CTNNA3: variants seen among roughly 807,000 people sequenced by gnomAD.
The protein encoded by CTNNA3 is catenin alpha 3, also known as catenin alpha-3.
Under a neutral mutation model 95.7 loss-of-function variants are expected in CTNNA3, and 76 were observed. That is an observed-to-expected ratio of 0.79 (90% confidence interval 0.66 to 0.96). The LOEUF is 0.96. CTNNA3 is among the 40% of genes least tolerant of loss of function. CTNNA3 has a pLI of 0.00. For missense variants in CTNNA3, 1,191 were observed against 1,089.8 expected (o/e 1.09, Z -1.31); for synonymous variants, 431 against 374.4 (o/e 1.15, Z -1.74).
intron 13 of CTNNA3, among the ~76,000 whole-genome samples, chr10:66,141,187 A>T (rs2083597736): frequency 6.6e-6 from 1 of 151,746 alleles, no homozygotes; most frequent in Admixed American, 6.6e-5. Context: ...TGAGCCCAGG[A>T]GGTGGAAGTT....
chr10:67,601,945 T>C (rs1420355358), intron 3 of CTNNA3, among the ~76,000 whole-genome samples: 1 of 152,166 alleles, frequency 6.6e-6, no homozygotes, highest in Non-Finnish European at 1.5e-5. Context: ...TATTTATCAC[T>C]TCAAGTCTGT....
Position 67,532,355 on chromosome 10 carries a change from C to T in CTNNA3, c.459+7148G>A, listed in dbSNP as rs74142835. The stretch of plus-strand genomic sequence containing the variant: ...CTGCCTTTTAAATAGAGGGTGGCCT[C>T]GGAGAGTCTCAGCTGCCAACATGGT... On this transcript the variant is annotated intron_variant, in intron 4 of 17. Coordinates refer to ENST00000433211, the MANE Select transcript of CTNNA3 (RefSeq NM_013266.4). Among the ~76,000 whole-genome samples, 431 of 152,200 alleles carry T rather than the reference C, an allele frequency of 2.8e-3. 3 individuals are homozygous for T. Among genetic ancestry groups the T allele is most frequent in the African/African-American group, 9.8e-3 (407 of 41,526 alleles).
At chr10:66,609,674 GT>G (rs1197804942) in intron 10 of CTNNA3, among the ~76,000 whole-genome samples, 1 of 151,972 alleles carries the variant, frequency 6.6e-6, no homozygotes, top group East Asian at 1.9e-4. Context: ...TTTCAACCAT[GT>G]GGAAAACAGC....
At chr10:65,986,249 A>G (rs2078424812) in intron 16 of CTNNA3, among the ~76,000 whole-genome samples, 2 of 151,194 alleles carry the variant, frequency 1.3e-5, no homozygotes, top group South Asian at 4.1e-4. Context: ...CCCCATACAT[A>G]TATAGACTAC....
chr10:66,479,604 TC>T (rs1283024785), intron 11 of CTNNA3, among the ~76,000 whole-genome samples: 1 of 152,050 alleles, frequency 6.6e-6, no homozygotes, highest in African/African-American at 2.4e-5. Flanking sequence ...AATTATATTT[TC>T]TTTCAAAAGT....
intron 13 of CTNNA3, among the ~76,000 whole-genome samples, chr10:66,116,067 GAC>G (rs1255263672): frequency 6.6e-6 from 1 of 152,076 alleles, no homozygotes; most frequent in Non-Finnish European, 1.5e-5. Flanking sequence ...CAAATATTTG[GAC>G]AACACCTAAG....
chr10:67,545,032 G>C (rs1043077069), intron 3 of CTNNA3, among the ~76,000 whole-genome samples: 1 of 151,414 alleles, frequency 6.6e-6, no homozygotes, highest in Admixed American at 6.6e-5. Flanking sequence ...ACTTTGATTG[G>C]GCTGATTCTA....
chr10:67,741,928 A>G (rs1841342119), intron 1 of CTNNA3, among the ~76,000 whole-genome samples: 1 of 151,374 alleles, frequency 6.6e-6, no homozygotes, highest in Non-Finnish European at 1.5e-5. Context: ...CATAATGGTA[A>G]AGGGATCAAT....
intron 13 of CTNNA3, among the ~76,000 whole-genome samples, chr10:66,232,135 C>T (rs72797258): frequency 6.6e-6 from 1 of 152,088 alleles, no homozygotes; most frequent in Non-Finnish European, 1.5e-5. Flanking sequence ...CAGACACTGT[C>T]CAATGCCTTG....
At chr10:66,380,291 G>T (rs2092827192) in intron 11 of CTNNA3, among the ~76,000 whole-genome samples, 1 of 151,880 alleles carries the variant, frequency 6.6e-6, no homozygotes, top group African/African-American at 2.4e-5. Context: ...TTCTTTCAGA[G>T]TCACACTTCC....
intron 16 of CTNNA3, among the ~76,000 whole-genome samples, chr10:65,967,844 C>T (rs2078007872): frequency 1.3e-5 from 2 of 151,830 alleles, no homozygotes; most frequent in South Asian, 2.1e-4. Flanking sequence ...TTTATAAGAA[C>T]AAGGAAATGT....
At chr10:65,955,163 T>C (rs1005123047) in intron 17 of CTNNA3, among the ~76,000 whole-genome samples, 4 of 152,084 alleles carry the variant, frequency 2.6e-5, no homozygotes, top group Non-Finnish European at 5.9e-5. Context: ...TGAATGGGAG[T>C]TCACTCATGA....
At chr10:67,401,107 C>T (rs1311449821) in intron 5 of CTNNA3, among the ~76,000 whole-genome samples, 8 of 152,016 alleles carry the variant, frequency 5.3e-5, no homozygotes, top group Non-Finnish European at 1.2e-4. Context: ...AAAAGTGACC[C>T]TTTTCCCCTT....
intron 7 of CTNNA3, among the ~76,000 whole-genome samples, chr10:66,876,441 T>C (rs1844625383): frequency 6.6e-6 from 1 of 152,170 alleles, no homozygotes; most frequent in African/African-American, 2.4e-5. Context: ...AAGTCACTAT[T>C]TCATTTTAAA....
intron 3 of CTNNA3, among the ~76,000 whole-genome samples, chr10:67,576,258 A>G (rs1371908518): frequency 6.6e-6 from 1 of 152,186 alleles, no homozygotes; most frequent in Non-Finnish European, 1.5e-5. Flanking sequence ...ACAGTTGTTT[A>G]CTTTTACATT....
chr10:67,219,801 G>C lies in CTNNA3; in HGVS notation c.649C>G (p.Leu217Val), dbSNP rs374834298. 1 of 1,613,878 alleles carries C rather than the reference G, an allele frequency of 6.2e-7. No homozygotes were observed. Among genetic ancestry groups the C allele is most frequent in the African/African-American group, 1.3e-5 (1 of 74,910 alleles). Reference sequence around the variant, plus strand: ...CAAGCTGAACAAATTGAATGCAAGAGGGGAGAGTTCTCCTTCAGTGAAGCT... The same window carrying C: ...CAAGCTGAACAAATTGAATGCAAGACGGGAGAGTTCTCCTTCAGTGAAGCT... ...ARASLKENSP[L>V]LHSICSACLE... is the part of the protein sequence containing the mutation. The change falls in exon 6 of 18, where the codon CTC (leucine) becomes GTC (valine). Residue 217 changes from leucine to valine, a missense_variant. Transcript: ENST00000433211.
chr10:67,739,883 C>T (rs1358446199), intron 1 of CTNNA3, among the ~76,000 whole-genome samples: 1 of 152,136 alleles, frequency 6.6e-6, no homozygotes, highest in Non-Finnish European at 1.5e-5. Context: ...AAGCTGGAGG[C>T]ATCGTGCTAC....
At chr10:67,003,201 G>T (rs1851781584) in intron 7 of CTNNA3, among the ~76,000 whole-genome samples, 1 of 152,084 alleles carries the variant, frequency 6.6e-6, no homozygotes, top group Admixed American at 6.5e-5. Flanking sequence ...AATTATTCAG[G>T]CACAGTGCCT....
rs1347837940 is a variant in CTNNA3, at chr10:65,914,942, C to G, written c.*5388G>C. The G allele has an allele frequency of 6.6e-6, 1 of 152,048 alleles. No individual in the cohort carries two copies. The highest frequency in any genetic ancestry group is 1.5e-5 in the Non-Finnish European group (1 of 68,006). 9.4% of individuals were successfully genotyped at this position (152,048 alleles called of 1,614,324 possible). The stretch of plus-strand genomic sequence containing the variant: ...GTGAGACTTTGAGCAAGATTCTTAT[C>G]CCATTTAACCCTCAGCTTCCTTGTC... On this transcript the variant is annotated 3_prime_UTR_variant, in exon 18 of 18. Transcript: ENST00000433211.
Sources: allele counts gnomAD v4.1 joint callset (sites outside exome capture counted in the v4.1 genomes callset), GRCh38; gene constraint gnomAD v4.1.1; transcripts MANE v1.5; gene names NCBI Gene and HGNC (gene_info 2026-07-23, HGNC 2026-07-21).